Variants in LDB2 observed in about 807,000 individuals in gnomAD.
The protein encoded by LDB2 is LIM domain binding 2.
Under a neutral mutation model 44.3 loss-of-function variants are expected in LDB2, and 12 were observed. The ratio of observed to expected loss-of-function variants is 0.27; its 90% CI spans 0.17 to 0.44. The LOEUF (loss-of-function observed/expected upper bound fraction) is 0.44. Ranked by LOEUF, LDB2 falls within the 20% of genes least tolerant of loss-of-function variation. The pLI is 1.00. For synonymous variants in LDB2, 164 were observed against 174.8 expected (o/e 0.94, Z 0.49); for missense variants, 344 against 473.5 (o/e 0.73, Z 2.54).
At chr4:16,793,863 C>T (rs1055813104) in intron 1 of LDB2, among the ~76,000 whole-genome samples, 6 of 152,056 alleles carry the variant, frequency 3.9e-5, no homozygotes, top group Non-Finnish European at 8.8e-5. Flanking sequence ...CAGGCTCTAT[C>T]CCCATTTTAC....
At chr4:16,870,012 T>C (rs779998488) in intron 1 of LDB2, among the ~76,000 whole-genome samples, 9 of 152,166 alleles carry the variant, frequency 5.9e-5, no homozygotes, top group African/African-American at 1.7e-4. Flanking sequence ...CATGAGCCTA[T>C]GTGAGTGGGT....
rs1560554800 is a variant in LDB2, at chr4:16,586,542, CACACACACATAT to C, written c.532-549_532-538del. ...CACACACACAAAACACACACACACA[CACACACACATAT>C]ATATGGAGAGACAGAATTCTCACTC... On this transcript the variant is annotated intron_variant, in intron 4 of 7. Transcript: ENST00000304523. 1.8e-3 allele frequency among the ~76,000 whole-genome samples: 245 copies of C among 135,610 alleles called. 1 individual carries two copies. Among genetic ancestry groups the C allele is most frequent in the Non-Finnish European group, 3.5e-3 (209 of 60,296 alleles). 89.0% of individuals were successfully genotyped at this position (135,610 alleles called of 152,430 possible). A position where few individuals can be genotyped will look rare whatever the true frequency, so the allele number is the denominator to read the frequency against.
intron 1 of LDB2, among the ~76,000 whole-genome samples, chr4:16,803,418 A>G (rs1240841950): frequency 6.6e-6 from 1 of 152,208 alleles, no homozygotes; most frequent in Non-Finnish European, 1.5e-5. Context: ...GGAGAAAAAC[A>G]AGTATAAATT....
intron 1 of LDB2, among the ~76,000 whole-genome samples, chr4:16,895,962 C>A (rs1473213233): frequency 6.6e-6 from 1 of 151,910 alleles, no homozygotes; most frequent in Non-Finnish European, 1.5e-5. Flanking sequence ...CTCCCCTTTT[C>A]ATATGAAATA....
chr4:16,558,202 T>G (rs1250379715), intron 5 of LDB2, among the ~76,000 whole-genome samples: 1 of 152,130 alleles, frequency 6.6e-6, no homozygotes, highest in Non-Finnish European at 1.5e-5. Flanking sequence ...GGAACAAAGC[T>G]GGATGGAGAA....
intron 2 of LDB2, among the ~76,000 whole-genome samples, chr4:16,706,596 T>A (rs1384021711): frequency 6.6e-6 from 1 of 152,208 alleles, no homozygotes; most frequent in African/African-American, 2.4e-5. Flanking sequence ...AAGTTATTTA[T>A]GCGATAGTAG....
In LDB2 at chr4:16,675,425, T is replaced by C. The variant is rs149469050; in HGVS notation, c.236-79550A>G. Among the ~76,000 whole-genome samples, 178 of 152,274 alleles carry C rather than the reference T, an allele frequency of 1.2e-3. 1 individual carries two copies. Among genetic ancestry groups the C allele is most frequent in the African/African-American group, 4.0e-3 (166 of 41,568 alleles). The stretch of plus-strand genomic sequence containing the variant: ...CTCTAATGTAGACACAGTACTTCAA[T>C]TGATTCATTGAGGGTCATCTCTATG... On this transcript the variant is annotated intron_variant, in intron 2 of 7. Transcript: ENST00000304523.
At chr4:16,842,863 A>T (rs1465968505) in intron 1 of LDB2, among the ~76,000 whole-genome samples, 1 of 152,192 alleles carries the variant, frequency 6.6e-6, no homozygotes, top group Non-Finnish European at 1.5e-5. Flanking sequence ...CATTTTCCTG[A>T]CTTGTGATAT....
At chr4:16,581,489 C>T (rs1714436464) in intron 5 of LDB2, 1 of 953,970 alleles carries the variant, frequency 1.0e-6, no homozygotes, top group Admixed American at 6.2e-5. Context: ...CTCAAAACAC[C>T]TACTTTTGTT....
At chr4:16,516,669 T>A (rs1723855179) in intron 5 of LDB2, among the ~76,000 whole-genome samples, 1 of 152,250 alleles carries the variant, frequency 6.6e-6, no homozygotes, top group South Asian at 2.1e-4. Flanking sequence ...ACACTTATTG[T>A]GAGGACCCAT....
At chr4:16,861,784 T>C (rs535596463) in intron 1 of LDB2, among the ~76,000 whole-genome samples, 6 of 152,228 alleles carry the variant, frequency 3.9e-5, no homozygotes, top group Non-Finnish European at 8.8e-5. Flanking sequence ...AACTACGCCT[T>C]GCCAGTCCTC....
chr4:16,808,519 T>A (rs1359748207), intron 1 of LDB2, among the ~76,000 whole-genome samples: 1 of 152,228 alleles, frequency 6.6e-6, no homozygotes, highest in African/African-American at 2.4e-5. Flanking sequence ...GAGATGATTA[T>A]GAACCCTTTA....
Position 16,786,301 on chromosome 4 carries a change from A to G in LDB2, c.133-27041T>C, listed in dbSNP as rs530023663. Among the ~76,000 whole-genome samples the G allele has an allele frequency of 4.6e-5, 7 of 152,330 alleles. No homozygotes were observed. The East Asian group carries it at 1.2e-3, about 25-fold the overall frequency. ...AGAGCTGGCAAATGCTGTAGTCGGCATCGTTATCAACCACAAAACTTTTGA... is the reference window on the plus strand; with the variant it reads ...AGAGCTGGCAAATGCTGTAGTCGGCGTCGTTATCAACCACAAAACTTTTGA... On this transcript the variant is annotated intron_variant, in intron 1 of 7. Transcript: ENST00000304523.
At chr4:16,883,158 C>A (rs1720654113) in intron 1 of LDB2, among the ~76,000 whole-genome samples, 1 of 152,154 alleles carries the variant, frequency 6.6e-6, no homozygotes, top group Non-Finnish European at 1.5e-5. Context: ...AGATCCCTCA[C>A]CAAAGAAGGT....
chr4:16,613,286 C>A (rs1015826495), intron 2 of LDB2, among the ~76,000 whole-genome samples: 1 of 152,174 alleles, frequency 6.6e-6, no homozygotes, highest in African/African-American at 2.4e-5. Context: ...GAAGCATTCC[C>A]TTTGAAAACC....
intron 2 of LDB2, among the ~76,000 whole-genome samples, chr4:16,691,219 C>T (rs981627141): frequency 2.0e-5 from 3 of 152,162 alleles, no homozygotes; most frequent in African/African-American, 7.2e-5. Context: ...TTTTCTCTTT[C>T]AGCTGGACTA....
At chr4:16,688,261 C>T (rs1246318718) in intron 2 of LDB2, among the ~76,000 whole-genome samples, 1 of 152,060 alleles carries the variant, frequency 6.6e-6, no homozygotes, top group Non-Finnish European at 1.5e-5. Context: ...CAAAGGAAAC[C>T]CTCATGAAAT....
intron 5 of LDB2, among the ~76,000 whole-genome samples, chr4:16,546,815 G>A (rs536099238): frequency 2.0e-5 from 3 of 151,944 alleles, no homozygotes; most frequent in African/African-American, 7.2e-5. Flanking sequence ...TTCTCCTGGC[G>A]ACCTCCTTCA....
intron 5 of LDB2, among the ~76,000 whole-genome samples, chr4:16,547,470 C>A (rs1172486259): frequency 6.6e-5 from 10 of 152,174 alleles, no homozygotes; most frequent in African/African-American, 2.2e-4. Flanking sequence ...CCCAAAGACT[C>A]CCAATTTTAG....
Sources: allele counts gnomAD v4.1 joint callset (sites outside exome capture counted in the v4.1 genomes callset), GRCh38; gene constraint gnomAD v4.1.1; transcripts MANE v1.5; gene names NCBI Gene and HGNC (gene_info 2026-07-23, HGNC 2026-07-21).